RGS7BP: variants seen among roughly 807,000 people sequenced by gnomAD.
The protein encoded by RGS7BP is regulator of G protein signaling 7-binding protein.
In RGS7BP, 9 loss-of-function variants were observed where a neutral mutation model predicts 31.3. That is an observed-to-expected ratio of 0.29 (90% CI 0.17 to 0.50). The LOEUF is 0.50. Ranked by LOEUF, RGS7BP falls within the 20% of genes least tolerant of loss-of-function variation. The probability of loss-of-function intolerance (pLI) is 0.98; values close to 1 mark genes in which losing one functional copy is unlikely to be tolerated. For synonymous variants in RGS7BP, 115 were observed against 120.1 expected, an observed-to-expected ratio of 0.96 and a Z score of 0.28; for missense variants, 274 against 322.0, an observed-to-expected ratio of 0.85 and a Z score of 1.14.
intron 2 of RGS7BP, among the ~76,000 whole-genome samples, chr5:64,509,831 T>G (rs1748784233): frequency 1.3e-5 from 2 of 152,192 alleles, no homozygotes; most frequent in Non-Finnish European, 2.9e-5. Context: ...GAAAACCAAC[T>G]CCATAAAATA....
intron 2 of RGS7BP, among the ~76,000 whole-genome samples, chr5:64,548,369 A>G (rs1258434681): frequency 6.6e-6 from 1 of 152,230 alleles, no homozygotes; most frequent in Non-Finnish European, 1.5e-5. Flanking sequence ...GTGACACTGA[A>G]ACCAGTGAAC....
chr5:64,531,119 C>T (rs1561324564), intron 2 of RGS7BP, among the ~76,000 whole-genome samples: 1 of 152,154 alleles, frequency 6.6e-6, no homozygotes, highest in Non-Finnish European at 1.5e-5. Context: ...AATACTCTCC[C>T]CATGGAAAGA....
rs933820854 is a variant in RGS7BP at position 64,610,064 on chromosome 5, G to T, written c.*812G>T. ...GTAAAATCAAATATTATTACATTTT[G>T]TTCTAATTGAAATCTGAAGCATGGT... On this transcript the variant is annotated 3_prime_UTR_variant, in exon 6 of 6. Transcript: ENST00000334025. 6.6e-6 allele frequency: 1 copy of T among 152,322 alleles called. No individual in the cohort carries two copies. Among genetic ancestry groups the T allele is most frequent in the Non-Finnish European group, 1.5e-5 (1 of 67,918 alleles). 9.4% of individuals were successfully genotyped at this position (152,322 alleles called of 1,614,324 possible).
chr5:64,520,736 T>C (rs1749084259), intron 2 of RGS7BP, among the ~76,000 whole-genome samples: 2 of 152,122 alleles, frequency 1.3e-5, no homozygotes, highest in African/African-American at 4.8e-5. Flanking sequence ...GAACTCCCCA[T>C]CACCACAATG....
chr5:64,511,964 G>A (rs982520786), intron 2 of RGS7BP, among the ~76,000 whole-genome samples: 1 of 152,146 alleles, frequency 6.6e-6, no homozygotes, highest in Non-Finnish European at 1.5e-5. Context: ...CTAAGACTGG[G>A]ACTTGGATCT....
intron 2 of RGS7BP, among the ~76,000 whole-genome samples, chr5:64,547,203 T>A (rs1741678935): frequency 6.6e-6 from 1 of 152,256 alleles, no homozygotes; most frequent in Admixed American, 6.5e-5. Flanking sequence ...AATATTCTTG[T>A]ATATATCTTC....
Position 64,506,554 on chromosome 5 carries a change from C to A in RGS7BP, c.-71C>A. ...GCTCCGGCTGCTTGGCGGCGGCGCC[C>A]AGGGCAACAACCGGGCCGCCCGCGC... On this transcript the variant is annotated 5_prime_UTR_variant, in exon 1 of 6. Coordinates refer to ENST00000334025, the MANE Select transcript of RGS7BP (RefSeq NM_001029875.3). The surrounding 1 kb of genome is among the most constrained non-coding windows in gnomAD (Gnocchi z 4.6). 7.0e-7 allele frequency: 1 copy of A among 1,433,148 alleles called. No individual in the cohort carries two copies. The highest frequency in any genetic ancestry group is 9.5e-7 in the Non-Finnish European group (1 of 1,054,792). 88.8% of individuals were successfully genotyped at this position (1,433,148 alleles called of 1,614,324 possible).
chr5:64,540,183 A>G (rs990062380), intron 2 of RGS7BP, among the ~76,000 whole-genome samples: 1 of 152,142 alleles, frequency 6.6e-6, no homozygotes, highest in Non-Finnish European at 1.5e-5. Flanking sequence ...TGTAAAAATA[A>G]TGTGTTTATT....
chr5:64,575,994 C>A, intron 3 of RGS7BP, 90 bp downstream of exon 3: 1 of 1,114,932 alleles, frequency 9.0e-7, no homozygotes. Context: ...ATATCATATG[C>A]CTATCTATAT....
intron 2 of RGS7BP, among the ~76,000 whole-genome samples, chr5:64,511,959 A>G (rs1748850067): frequency 6.6e-6 from 1 of 152,114 alleles, no homozygotes; most frequent in Non-Finnish European, 1.5e-5. Context: ...CTGCTCTAAG[A>G]CTGGGACTTG....
intron 2 of RGS7BP, among the ~76,000 whole-genome samples, chr5:64,575,353 G>A (rs1272106484): frequency 6.6e-6 from 1 of 152,078 alleles, no homozygotes; most frequent in Non-Finnish European, 1.5e-5. Context: ...TTATACTAGG[G>A]CCCTAATATT....
intron 2 of RGS7BP, among the ~76,000 whole-genome samples, chr5:64,567,108 C>A (rs575826017): frequency 6.6e-6 from 1 of 152,048 alleles, no homozygotes; most frequent in South Asian, 2.1e-4. Flanking sequence ...AGACATGCAA[C>A]GTATGAACAA....
intron 2 of RGS7BP, among the ~76,000 whole-genome samples, chr5:64,544,170 G>A (rs1007353656): frequency 6.6e-6 from 1 of 152,164 alleles, no homozygotes; most frequent in Non-Finnish European, 1.5e-5. Context: ...AAGCACCGGG[G>A]CACAAAAGTG....
intron 3 of RGS7BP, among the ~76,000 whole-genome samples, chr5:64,591,372 A>G (rs912472234): frequency 6.6e-6 from 1 of 152,122 alleles, no homozygotes; most frequent in African/African-American, 2.4e-5. Flanking sequence ...AAAGAAAAGA[A>G]GTTTAACCTC....
chr5:64,569,815 A>G (rs142504797), intron 2 of RGS7BP, among the ~76,000 whole-genome samples: 1 of 152,318 alleles, frequency 6.6e-6, no homozygotes, highest in African/African-American at 2.4e-5. Flanking sequence ...TGGAGAAGTC[A>G]TTTAATCCCT....
At chr5:64,545,529 A>G (rs1486176147) in intron 2 of RGS7BP, among the ~76,000 whole-genome samples, 1 of 152,200 alleles carries the variant, frequency 6.6e-6, no homozygotes, top group Admixed American at 6.5e-5. Context: ...CTCTAGCTAT[A>G]CTGTAGAGAA....
At chr5:64,507,088 C>T (rs1360987468) in intron 1 of RGS7BP, among the ~76,000 whole-genome samples, 4 of 152,114 alleles carry the variant, frequency 2.6e-5, no homozygotes, top group African/African-American at 9.7e-5. Context: ...TGAACTGGCT[C>T]GCTCACGGAG....
intron 2 of RGS7BP, among the ~76,000 whole-genome samples, chr5:64,572,816 T>C (rs1173856812): frequency 3.3e-5 from 5 of 151,818 alleles, no homozygotes; most frequent in Non-Finnish European, 7.4e-5. Context: ...TCTTTTTTTT[T>C]TTAATTTTAT....
At chr5:64,608,734 G>A (rs1466720808) in intron 5 of RGS7BP, among the ~76,000 whole-genome samples, 1 of 151,996 alleles carries the variant, frequency 6.6e-6, no homozygotes, top group Non-Finnish European at 1.5e-5. Flanking sequence ...CTGGCAAATA[G>A]CAGAGGCAGG....
Sources: gnomAD v4.1 joint callset for allele counts (sites outside exome capture counted in the v4.1 genomes callset) on GRCh38, gnomAD v4.1.1 for gene constraint, Gnocchi (gnomAD v3.1) non-coding constraint, MANE v1.5 for transcripts, NCBI Gene and HGNC (gene_info 2026-07-23, HGNC 2026-07-21) for gene names.